Variants in HCRTR2 observed in about 807,000 individuals in gnomAD.
HCRTR2 encodes hypocretin receptor 2.
In HCRTR2, 22 loss-of-function variants were observed where a neutral mutation model predicts 49.0. The observed-to-expected ratio is 0.45, with a 90% confidence interval of 0.32 to 0.64. The LOEUF is 0.64. Among genes scored for constraint, HCRTR2 ranks in the 30% least tolerant of loss-of-function variants. The pLI is 0.04. For missense variants in HCRTR2, 491 were observed against 559.4 expected (o/e 0.88, Z 1.23); for synonymous variants, 236 against 205.3 (o/e 1.15, Z -1.28).
At chr6:55,270,408 C>A (rs1766951008) in intron 4 of HCRTR2, among the ~76,000 whole-genome samples, 1 of 152,144 alleles carries the variant, frequency 6.6e-6, no homozygotes, top group African/African-American at 2.4e-5. Flanking sequence ...AACATATAGT[C>A]CATTTCTGTA....
At chr6:55,257,487 CTT>C (rs1425087051) in intron 3 of HCRTR2, among the ~76,000 whole-genome samples, 1 of 151,748 alleles carries the variant, frequency 6.6e-6, no homozygotes. Flanking sequence ...ATTAGTTTCA[CTT>C]ATATGTTTAT....
intron 1 of HCRTR2, among the ~76,000 whole-genome samples, chr6:55,230,508 A>G (rs1311303087): frequency 6.6e-6 from 1 of 152,180 alleles, no homozygotes; most frequent in East Asian, 1.9e-4. Context: ...TTTCCCCTGA[A>G]TTGAAGTAAT....
intron 6 of HCRTR2, 58 bp downstream of exon 6, chr6:55,280,502 T>C: frequency 6.2e-7 from 1 of 1,604,432 alleles, no homozygotes; most frequent in Non-Finnish European, 8.5e-7. Flanking sequence ...GAGGAATCAA[T>C]GAACACTCTT....
chr6:55,222,700 A>G (rs1765921873), intron 1 of HCRTR2, among the ~76,000 whole-genome samples: 1 of 152,210 alleles, frequency 6.6e-6, no homozygotes, highest in South Asian at 2.1e-4. Context: ...CAAATACTGC[A>G]TGAATATACT....
intron 1 of HCRTR2, among the ~76,000 whole-genome samples, chr6:55,195,298 A>G (rs1364518836): frequency 1.3e-5 from 2 of 152,200 alleles, no homozygotes; most frequent in African/African-American, 4.8e-5. Flanking sequence ...CAACTTGAGG[A>G]CTGACAAAGT....
upstream of HCRTR2, among the ~76,000 whole-genome samples, chr6:55,172,301 A>G (rs1198271797): frequency 6.6e-6 from 1 of 151,964 alleles, no homozygotes; most frequent in Non-Finnish European, 1.5e-5. Context: ...GGGATTTTCT[A>G]CTCATCATCA....
At chr6:55,230,410 C>T (rs1288958544) in intron 1 of HCRTR2, among the ~76,000 whole-genome samples, 1 of 152,118 alleles carries the variant, frequency 6.6e-6, no homozygotes, top group African/African-American at 2.4e-5. Flanking sequence ...AAGCAGCAGT[C>T]ATTATCTAAC....
At chr6:55,255,019 T>C in intron 2 of HCRTR2, 117 bp from the exon 3 acceptor site, 1 of 1,084,716 alleles carries the variant, frequency 9.2e-7, no homozygotes, top group Non-Finnish European at 1.4e-6. Context: ...TGTTTATTTT[T>C]GGCAGCTTTG....
chr6:55,227,818 A>G (rs545375290), intron 1 of HCRTR2, among the ~76,000 whole-genome samples: 13 of 152,350 alleles, frequency 8.5e-5, no homozygotes, highest in African/African-American at 2.9e-4. Flanking sequence ...AAATGGAATT[A>G]AATTAAAAAT....
chr6:55,109,943 A>T (rs1478800057), intron 1 of HCRTR2, among the ~76,000 whole-genome samples: 1 of 152,196 alleles, frequency 6.6e-6, no homozygotes, highest in African/African-American at 2.4e-5. Context: ...GTCAAGAAGA[A>T]TGAAAGAATC....
chr6:55,190,269 A>G (rs903963584), intron 1 of HCRTR2, among the ~76,000 whole-genome samples: 2 of 152,156 alleles, frequency 1.3e-5, no homozygotes, highest in South Asian at 2.1e-4. Flanking sequence ...TATTTAGTAT[A>G]TATTTTGACA....
intron 1 of HCRTR2, among the ~76,000 whole-genome samples, chr6:55,145,639 T>A (rs1333356862): frequency 2.0e-5 from 3 of 151,866 alleles, no homozygotes; most frequent in African/African-American, 7.3e-5. Flanking sequence ...ATGGTCTCAA[T>A]CTCCTGACCT....
chr6:55,118,678 A>G (rs1045661611), intron 1 of HCRTR2, among the ~76,000 whole-genome samples: 1 of 151,660 alleles, frequency 6.6e-6, no homozygotes, highest in Non-Finnish European at 1.5e-5. Flanking sequence ...TATTTATATG[A>G]TTGTTGGCTG....
At chr6:55,134,044 T>A (rs1764399879) in intron 1 of HCRTR2, among the ~76,000 whole-genome samples, 1 of 151,840 alleles carries the variant, frequency 6.6e-6, no homozygotes, top group Non-Finnish European at 1.5e-5. Flanking sequence ...TATACATTTC[T>A]TATTTCTTTT....
intron 1 of HCRTR2, among the ~76,000 whole-genome samples, chr6:55,148,938 C>A (rs1165679051): frequency 6.6e-6 from 1 of 152,062 alleles, no homozygotes; most frequent in Non-Finnish European, 1.5e-5. Context: ...AATTCTGATA[C>A]TTTCTTTTTC....
At chr6:55,213,704 A>G (rs1220015324) in intron 1 of HCRTR2, among the ~76,000 whole-genome samples, 2 of 152,172 alleles carry the variant, frequency 1.3e-5, no homozygotes, top group Admixed American at 6.5e-5. Flanking sequence ...AAAATGTACC[A>G]TATGTCTAAT....
chr6:55,217,600 C>T (rs1765811821), intron 1 of HCRTR2, among the ~76,000 whole-genome samples: 1 of 152,074 alleles, frequency 6.6e-6, no homozygotes, highest in South Asian at 2.1e-4. Context: ...ACCTTTATTC[C>T]AGGTTCTGAT....
In HCRTR2 at chr6:55,279,621, T is replaced by C. The variant is rs144019049; in HGVS notation, c.984-702T>C. On this transcript the variant is annotated intron_variant, in intron 5 of 6. Coordinates refer to ENST00000370862, the MANE Select transcript of HCRTR2 (RefSeq NM_001384272.1). ...ATATGATTTTTGGCCTATAATCTTA[T>C]TGAGTAGCTGTAAGTTATCTGTTAT... Among the ~76,000 whole-genome samples, 336 of 152,018 alleles carry C rather than the reference T, an allele frequency of 2.2e-3. 4 individuals carry two copies. Among genetic ancestry groups the C allele is most frequent in the African/African-American group, 7.9e-3 (326 of 41,444 alleles).
intron 4 of HCRTR2, among the ~76,000 whole-genome samples, chr6:55,267,723 C>T (rs899854702): frequency 1.3e-5 from 2 of 152,052 alleles, no homozygotes; most frequent in Admixed American, 1.3e-4. Context: ...TTCTTGTTCC[C>T]AGCTCTTATC....
Sources: allele counts gnomAD v4.1 joint callset (sites outside exome capture counted in the v4.1 genomes callset), GRCh38; gene constraint gnomAD v4.1.1; transcripts MANE v1.5; gene names NCBI Gene and HGNC (gene_info 2026-07-23, HGNC 2026-07-21).